Variants in VKORC1L1 observed in about 807,000 individuals in gnomAD.
VKORC1L1 encodes the protein vitamin K epoxide reductase complex subunit 1-like protein 1.
A neutral mutation model predicts 18.9 loss-of-function variants in VKORC1L1; 2 were observed. That is an observed-to-expected ratio of 0.11 (90% CI 0.04 to 0.33). The LOEUF (loss-of-function observed/expected upper bound fraction) is 0.33. Ranked by LOEUF, VKORC1L1 falls within the 10% of genes least tolerant of loss-of-function variation. The pLI is 1.00. For synonymous variants in VKORC1L1, 96 were observed against 100.0 expected, an observed-to-expected ratio of 0.96 and a Z score of 0.24; for missense variants, 123 against 224.1, an observed-to-expected ratio of 0.55 and a Z score of 2.88.
At chr7:65,920,739 C>T (rs34577383) in intron 1 of VKORC1L1, among the ~76,000 whole-genome samples, 19,208 of 151,470 alleles carry the variant, frequency 0.13, 1,377 homozygotes, top group Middle Eastern at 0.21. Context: ...TATGCGCCTG[C>T]AGTCCCAGCT....
At chr7:65,941,673 G>GTTTTTTTT (rs57537567) in intron 1 of VKORC1L1, among the ~76,000 whole-genome samples, 4 of 66,492 alleles carry the variant, frequency 6.0e-5, no homozygotes, top group East Asian at 6.2e-4. Flanking sequence ...TTTTCTTAAG[G>GTTTTTTTT]TTTTTTTTTT....
chr7:65,923,487 G>A lies in VKORC1L1; in HGVS notation c.195-25184G>A, dbSNP rs147765193. On this transcript the variant is annotated intron_variant, in intron 1 of 2. Coordinates refer to ENST00000360768, the MANE Select transcript of VKORC1L1 (RefSeq NM_173517.6). ...TGAAACAGCTTCCTTGAATGAGAGC[G>A]TGTGAGGGAGTGACTCCAAGTGTGA... 1.9e-3 allele frequency among the ~76,000 whole-genome samples: 292 copies of A among 152,256 alleles called. 3 individuals carry two copies. Among genetic ancestry groups the A allele is most frequent in the Middle Eastern group, 0.014 (4 of 294 alleles).
chr7:65,918,479 T>A (rs945388828), intron 1 of VKORC1L1, among the ~76,000 whole-genome samples: 2 of 152,266 alleles, frequency 1.3e-5, no homozygotes, highest in Non-Finnish European at 2.9e-5. Flanking sequence ...AGAGACATAC[T>A]GTCCAAAGAC....
At chr7:65,951,592 A>C (rs1321511186) in intron 2 of VKORC1L1, among the ~76,000 whole-genome samples, 2 of 151,554 alleles carry the variant, frequency 1.3e-5, no homozygotes, top group African/African-American at 4.8e-5. Context: ...AAATATATAT[A>C]TATATACATA....
At chr7:65,906,717 G>C (rs544427093) in intron 1 of VKORC1L1, among the ~76,000 whole-genome samples, 2 of 152,186 alleles carry the variant, frequency 1.3e-5, no homozygotes, top group Non-Finnish European at 2.9e-5. Flanking sequence ...CAGAGTCCGT[G>C]CAACAGAAAT....
chr7:65,880,213 A>G (rs1452244785), intron 1 of VKORC1L1, among the ~76,000 whole-genome samples: 2 of 152,162 alleles, frequency 1.3e-5, no homozygotes, highest in African/African-American at 4.8e-5. Flanking sequence ...AACCATATCA[A>G]CCAGATTTTT....
At chr7:65,928,122 A>G (rs547043879) in intron 1 of VKORC1L1, among the ~76,000 whole-genome samples, 5 of 152,272 alleles carry the variant, frequency 3.3e-5, no homozygotes, top group African/African-American at 1.2e-4. Context: ...AATGGGAAGA[A>G]AATTTTAAGC....
At chr7:65,935,053 CAAAAA>C (rs551047338) in intron 1 of VKORC1L1, among the ~76,000 whole-genome samples, 1 of 58,440 alleles carries the variant, frequency 1.7e-5, no homozygotes, top group Non-Finnish European at 3.7e-5. Flanking sequence ...GATTACATCT[CAAAAA>C]AAAAAAAAAA....
intron 1 of VKORC1L1, among the ~76,000 whole-genome samples, chr7:65,910,930 T>C (rs1415296587): frequency 6.6e-6 from 1 of 152,240 alleles, no homozygotes; most frequent in Admixed American, 6.5e-5. Flanking sequence ...GTTTTGAGCT[T>C]ATGTCTGTAC....
chr7:65,895,894 CTTTTTTTTTTT>C (rs899804086), intron 1 of VKORC1L1, among the ~76,000 whole-genome samples: 1 of 113,280 alleles, frequency 8.8e-6, no homozygotes. Flanking sequence ...TATCTCACTT[CTTTTTTTTTTT>C]TTTTTTTTTT....
intron 1 of VKORC1L1, among the ~76,000 whole-genome samples, chr7:65,928,376 C>T (rs1216067157): frequency 1.3e-5 from 2 of 151,142 alleles, no homozygotes; most frequent in Admixed American, 6.6e-5. Context: ...CAGGCATGTG[C>T]TCCTGGCATA....
chr7:65,887,803 T>C (rs1467237681), intron 1 of VKORC1L1, among the ~76,000 whole-genome samples: 1 of 152,240 alleles, frequency 6.6e-6, no homozygotes, highest in African/African-American at 2.4e-5. Context: ...TAGCCTTTTT[T>C]AATTTTGTTT....
chr7:65,945,053 G>C (rs1790095803), intron 1 of VKORC1L1, among the ~76,000 whole-genome samples: 1 of 152,154 alleles, frequency 6.6e-6, no homozygotes, highest in South Asian at 2.1e-4. Flanking sequence ...CTGAGGTCAG[G>C]TGTTCAAGAC....
intron 2 of VKORC1L1, among the ~76,000 whole-genome samples, chr7:65,950,736 T>G (rs1250942724): frequency 6.6e-6 from 1 of 152,202 alleles, no homozygotes; most frequent in Non-Finnish European, 1.5e-5. Context: ...TATGTTTATA[T>G]CCTAGAAAGA....
the VKORC1L1 span, among the ~76,000 whole-genome samples, chr7:65,866,665 TG>T: frequency 6.6e-6 from 1 of 152,104 alleles, no homozygotes; most frequent in Non-Finnish European, 1.5e-5. Context: ...ATCCCAACAC[TG>T]TGGGAGGCTG....
At chr7:65,927,914 C>T (rs1789792944) in intron 1 of VKORC1L1, among the ~76,000 whole-genome samples, 1 of 152,090 alleles carries the variant, frequency 6.6e-6, no homozygotes, top group African/African-American at 2.4e-5. Context: ...GGGGCCCCAA[C>T]TGATAGGCGC....
At chr7:65,943,355 G>A (rs1438575854) in intron 1 of VKORC1L1, among the ~76,000 whole-genome samples, 2 of 152,206 alleles carry the variant, frequency 1.3e-5, no homozygotes, top group African/African-American at 4.8e-5. Context: ...TACCTCAGGG[G>A]TCAGAAGAAT....
At chr7:65,895,471 AAAAAAAAAAATATATATATATATATAT>A (rs1583830952) in intron 1 of VKORC1L1, among the ~76,000 whole-genome samples, 11 of 56,004 alleles carry the variant, frequency 2.0e-4, no homozygotes, top group Non-Finnish European at 6.3e-5. Flanking sequence ...AAAAAAAAAA[AAAAAAAAAAATATATATATATATATAT>A]ATATATATAT....
At chr7:65,937,527 AG>A (rs1192611262) in intron 1 of VKORC1L1, among the ~76,000 whole-genome samples, 1 of 152,016 alleles carries the variant, frequency 6.6e-6, no homozygotes, top group Non-Finnish European at 1.5e-5. Context: ...CCTAGTAGCT[AG>A]GACTACAGGT....
Sources: allele counts gnomAD v4.1 joint callset (sites outside exome capture counted in the v4.1 genomes callset), GRCh38; gene constraint gnomAD v4.1.1; transcripts MANE v1.5; gene names NCBI Gene and HGNC (gene_info 2026-07-23, HGNC 2026-07-21).